NT5C2: variants seen among roughly 807,000 people sequenced by gnomAD.
The protein encoded by NT5C2 is cytosolic purine 5'-nucleotidase.
A neutral mutation model predicts 76.1 loss-of-function variants in NT5C2; 58 were observed. The ratio of observed to expected loss-of-function variants is 0.76; its 90% CI spans 0.62 to 0.95. The LOEUF (loss-of-function observed/expected upper bound fraction) is 0.95, where lower values mean the gene tolerates loss of function less well. Among genes scored for constraint, NT5C2 ranks in the 40% least tolerant of loss-of-function variants. The probability of loss-of-function intolerance (pLI) is 0.00; values close to 1 mark genes in which losing one functional copy is unlikely to be tolerated. For missense variants in NT5C2, 478 were observed against 690.3 expected (o/e 0.69, Z 3.45); for synonymous variants, 229 against 237.4 (o/e 0.96, Z 0.32).
intron 2 of NT5C2, chr10:103,176,185 A>T (rs1178895883): frequency 6.5e-6 from 1 of 153,384 alleles, no homozygotes; most frequent in Non-Finnish European, 1.5e-5. Flanking sequence ...CCCAGAAAGG[A>T]AGGGGCTATT....
chr10:103,100,849 G>A (rs1273202131), intron 8 of NT5C2, 196 bp downstream of exon 8: 1 of 680,704 alleles, frequency 1.5e-6, no homozygotes, highest in East Asian at 2.8e-5. Flanking sequence ...GGCAAGGAGA[G>A]GGGCCGTGTG....
Position 103,094,471 on chromosome 10 carries a change from C to A in NT5C2, c.814-16G>T. 1 of 1,441,248 alleles carries A rather than the reference C, an allele frequency of 6.9e-7. No individual in the cohort carries two copies. Among genetic ancestry groups the A allele is most frequent in the African/African-American group, 1.4e-5 (1 of 71,482 alleles). The allele number at this position is 1,441,248 out of a possible 1,614,324, so 89.3% of individuals were successfully genotyped here. ...AGCTCCCAGGCTGGTGAAGGAGAAA[C>A]AGCAAAAGTTGAAACATCACTCCTT... On this transcript the variant is annotated splice_polypyrimidine_tract_variant and intron_variant, in intron 12 of 18. Coordinates refer to ENST00000404739, the MANE Select transcript of NT5C2 (RefSeq NM_001351169.2).
intron 4 of NT5C2, among the ~76,000 whole-genome samples, chr10:103,108,874 C>G (rs923674086): frequency 6.7e-6 from 1 of 149,742 alleles, no homozygotes; most frequent in Admixed American, 6.6e-5. Flanking sequence ...TTCTTTTTTT[C>G]TGAGTCAGAG....
chr10:103,183,768 C>T (rs1023578826), intron 1 of NT5C2, among the ~76,000 whole-genome samples: 5 of 151,716 alleles, frequency 3.3e-5, no homozygotes, highest in Admixed American at 3.3e-4. Flanking sequence ...AAAGCCAGAC[C>T]ACTGCTATGC....
In NT5C2 at chr10:103,106,646, G is replaced by C. The variant is rs1276787004; in HGVS notation, c.236C>G (p.Ser79Cys). The C allele has an allele frequency of 1.2e-6, 2 of 1,613,864 alleles. No individual in the cohort carries two copies. Among genetic ancestry groups the C allele is most frequent in the Non-Finnish European group, 1.7e-6 (2 of 1,179,808 alleles). Residue 79 changes from serine (S) to cysteine (C), a missense_variant, in exon 5 of 19, where the codon TCT becomes TGT. Transcript: ENST00000404739. ...GFELTVERLV[S>C]IGYPQELLSF... ...GAGCAACTCCTGGGGATAGCCAATA[G>C]AAACTAATCTCTCCACAGTAAGCTC...
intron 2 of NT5C2, among the ~76,000 whole-genome samples, chr10:103,176,774 C>CTGGGATTA (rs1205556219): frequency 6.6e-6 from 1 of 152,154 alleles, no homozygotes; most frequent in African/African-American, 2.4e-5. Context: ...TCCCAAAGTG[C>CTGGGATTA]TGGGATTACA....
chr10:103,141,067 T>C (rs1275855377), intron 3 of NT5C2, among the ~76,000 whole-genome samples: 1 of 152,176 alleles, frequency 6.6e-6, no homozygotes, highest in Non-Finnish European at 1.5e-5. Flanking sequence ...TGGTGTCCTA[T>C]CCAAAAAAAT....
intron 1 of NT5C2, among the ~76,000 whole-genome samples, chr10:103,181,731 G>A (rs1015940224): frequency 5.3e-5 from 8 of 152,200 alleles, no homozygotes; most frequent in Non-Finnish European, 1.0e-4. Context: ...AAGGCCTGGC[G>A]TGGTGGCTCA....
At chr10:103,192,284 AC>A (rs2092696510) in intron 1 of NT5C2, among the ~76,000 whole-genome samples, 1 of 151,298 alleles carries the variant, frequency 6.6e-6, no homozygotes, top group Non-Finnish European at 1.5e-5. Flanking sequence ...GCGCGCACAC[AC>A]CCCCCTGTAA....
At chr10:103,119,332 G>T (rs1292793158) in intron 4 of NT5C2, among the ~76,000 whole-genome samples, 1 of 152,162 alleles carries the variant, frequency 6.6e-6, no homozygotes, top group African/African-American at 2.4e-5. Context: ...TCGCGCCATT[G>T]TACTCCAGCC....
intron 4 of NT5C2, among the ~76,000 whole-genome samples, chr10:103,118,237 A>T (rs2074824263): frequency 6.6e-6 from 1 of 152,242 alleles, no homozygotes; most frequent in Non-Finnish European, 1.5e-5. Context: ...AGTTAAAACT[A>T]TAAATAATGA....
At chr10:103,177,443 G>C (rs985810836) in intron 2 of NT5C2, among the ~76,000 whole-genome samples, 2 of 152,206 alleles carry the variant, frequency 1.3e-5, no homozygotes, top group Admixed American at 1.3e-4. Context: ...AGCATTATTT[G>C]TGAAAACATC....
chr10:103,094,169 T>C, intron 13 of NT5C2, 131 bp from the exon 14 acceptor site: 3 of 516,922 alleles, frequency 5.8e-6, no homozygotes, highest in Non-Finnish European at 1.0e-5. Flanking sequence ...TGGCACTTAC[T>C]CTTTTCAATT....
Position 103,174,935 on chromosome 10 carries a change from C to T in NT5C2, c.24G>A (p.Arg8=). ...CAGGCATATCTGCTGCATTCTGTAA[C>T]CGATCACTCCAGGAGGTTGACATTT... MSTSWSD[R]LQNAADMPAN... The change falls in exon 3 of 19, where the codon CGG becomes CGA. Residue 8 remains arginine, a synonymous_variant. Transcript: ENST00000404739. The T allele has an allele frequency of 6.2e-7, 1 of 1,611,574 alleles. No individual in the cohort carries two copies. The highest frequency in any genetic ancestry group is 8.5e-7 in the Non-Finnish European group (1 of 1,177,784).
intron 4 of NT5C2, among the ~76,000 whole-genome samples, chr10:103,137,418 G>A (rs1393671359): frequency 6.6e-6 from 1 of 152,178 alleles, no homozygotes. Flanking sequence ...ATCAGGAACT[G>A]TGTATATTTT....
chr10:103,090,076 T>G (rs1277503129), intron 18 of NT5C2, 168 bp from the exon 19 acceptor site: 1 of 508,138 alleles, frequency 2.0e-6, no homozygotes, highest in Non-Finnish European at 3.4e-6. Context: ...GTTGCCTGTC[T>G]TCCTCTCTCC....
At chr10:103,091,660 AGCACCTAGTTCTTAACTGCT>A (rs745682435) in intron 15 of NT5C2, 45 bp from the exon 16 acceptor site, 1 of 1,514,120 alleles carries the variant, frequency 6.6e-7, no homozygotes, top group Non-Finnish European at 9.2e-7. Context: ...TAAATAAATA[AGCACCTAGTTCTTAACTGCT>A]GCTAAACTAA....
At chr10:103,094,662 T>A (rs371740100) in intron 12 of NT5C2, 1 of 482,012 alleles carries the variant, frequency 2.1e-6, no homozygotes, top group African/African-American at 2.0e-5. Flanking sequence ...GGCGGGCAGA[T>A]CACAAGGTCC....
In NT5C2 at chr10:103,164,552, G is replaced by A. The variant is rs541150415; in HGVS notation, c.101+10306C>T. Among the ~76,000 whole-genome samples, 205 of 151,946 alleles carry A rather than the reference G, an allele frequency of 1.3e-3. 1 individual carries two copies. Among genetic ancestry groups the A allele is most frequent in the African/African-American group, 4.7e-3 (193 of 41,450 alleles). On this transcript the variant is annotated intron_variant, in intron 3 of 18. Coordinates refer to ENST00000404739, the MANE Select transcript of NT5C2 (RefSeq NM_001351169.2). The stretch of plus-strand genomic sequence containing the variant: ...ATTACAGGCATGCACCACCGCGCCC[G>A]GCCAAAAACAATGTTTTTAGTATTA...
Sources: gnomAD v4.1 joint callset for allele counts (sites outside exome capture counted in the v4.1 genomes callset) on GRCh38, gnomAD v4.1.1 for gene constraint, MANE v1.5 for transcripts, NCBI Gene and HGNC (gene_info 2026-07-23, HGNC 2026-07-21) for gene names.